Variants in SOX5 observed in about 807,000 individuals in gnomAD.
SOX5 encodes SRY-box transcription factor 5.
A neutral mutation model predicts 92.0 loss-of-function variants in SOX5; 9 were observed. The observed-to-expected ratio is 0.10, with a 90% CI of 0.06 to 0.17. SOX5 has a LOEUF of 0.17. SOX5 is among the 10% of genes least tolerant of loss of function. The probability of loss-of-function intolerance (pLI) is 1.00; values close to 1 mark genes in which losing one functional copy is unlikely to be tolerated. For missense variants in SOX5, 642 were observed against 944.5 expected, an observed-to-expected ratio of 0.68 and a Z score of 4.20; for synonymous variants, 344 against 336.3, an observed-to-expected ratio of 1.02 and a Z score of -0.25.
At position 24,055,857 on chromosome 12, in the gene SOX5, AATGTC is replaced by A. The variant is rs1958042380; in HGVS notation, c.-2+157481_-2+157485del. Reference sequence around the variant, plus strand: ...AGTGAAAGGTAAAACCATCTTAGTAAATGTCATGTTCCTGTTAGTGTTCAAAGGTG... The same window carrying A: ...AGTGAAAGGTAAAACCATCTTAGTAAATGTTCCTGTTAGTGTTCAAAGGTG... On this transcript the variant is annotated intron_variant, in intron 4 of 4. Transcript: ENST00000446891. Among the ~76,000 whole-genome samples, 3 of 152,316 alleles carry A rather than the reference AATGTC, an allele frequency of 2.0e-5. No individual in the cohort carries two copies. The South Asian group carries it at 6.2e-4, about 32-fold the overall frequency.
At chr12:24,069,378 T>C (rs773842250) in intron 4 of SOX5, among the ~76,000 whole-genome samples, 1 of 152,174 alleles carries the variant, frequency 6.6e-6, no homozygotes, top group Non-Finnish European at 1.5e-5. Context: ...GTAAAAGAAA[T>C]AGCTTTTCTT....
intron 4 of SOX5, among the ~76,000 whole-genome samples, chr12:24,159,001 A>G (rs1308750498): frequency 6.6e-6 from 1 of 152,000 alleles, no homozygotes; most frequent in Non-Finnish European, 1.5e-5. Context: ...ATAGTAGCCT[A>G]TAAGGATCAA....
Position 23,813,652 on chromosome 12 carries a change from A to G in SOX5, c.481+32331T>C, listed in dbSNP as rs1408697744. Reference sequence around the variant, plus strand: ...TTATTTTCTTTTAGATAAAAATGACATATTTTAAAACTGTCATTCCTCATC... The same window carrying G: ...TTATTTTCTTTTAGATAAAAATGACGTATTTTAAAACTGTCATTCCTCATC... On this transcript the variant is annotated intron_variant, in intron 3 of 14. Transcript: ENST00000451604. 4.6e-5 allele frequency among the ~76,000 whole-genome samples: 7 copies of G among 152,310 alleles called. No individual in the cohort carries two copies. The East Asian group carries it at 5.8e-4, about 13-fold the overall frequency.
chr12:23,627,265 C>A (rs188726814), intron 8 of SOX5, among the ~76,000 whole-genome samples: 1 of 152,208 alleles, frequency 6.6e-6, no homozygotes, highest in Non-Finnish European at 1.5e-5. Flanking sequence ...AGAATTGAAA[C>A]ATACATTTTT....
intron 1 of SOX5, among the ~76,000 whole-genome samples, chr12:23,915,606 T>C (rs1367479849): frequency 4.6e-5 from 7 of 152,060 alleles, no homozygotes; most frequent in Non-Finnish European, 8.8e-5. Flanking sequence ...ACTATACTAA[T>C]AGTCTTCCTA....
intron 9 of SOX5, among the ~76,000 whole-genome samples, chr12:23,577,169 A>C (rs1394022654): frequency 2.2e-5 from 2 of 90,002 alleles, no homozygotes; most frequent in Non-Finnish European, 4.8e-5. Context: ...ACACACACAC[A>C]CACACACATA....
At chr12:23,570,946 T>A (rs1426575520) in intron 10 of SOX5, among the ~76,000 whole-genome samples, 894 of 7,490 alleles carry the variant, frequency 0.12, 52 homozygotes, top group Non-Finnish European at 0.2. Flanking sequence ...TATATATATA[T>A]ATATATATAT....
At chr12:24,293,845 A>C (rs1439191083) in intron 2 of SOX5, among the ~76,000 whole-genome samples, 1 of 152,214 alleles carries the variant, frequency 6.6e-6, no homozygotes, top group East Asian at 1.9e-4. Flanking sequence ...TAAGTTCTTT[A>C]GCCTTTCTCC....
intron 4 of SOX5, among the ~76,000 whole-genome samples, chr12:24,186,043 G>T (rs903003406): frequency 6.6e-6 from 1 of 152,132 alleles, no homozygotes; most frequent in Non-Finnish European, 1.5e-5. Context: ...CTGGGGCATA[G>T]AGTAGGGAGC....
chr12:24,508,685 A>T (rs764370873), intron 1 of SOX5, among the ~76,000 whole-genome samples: 7 of 152,156 alleles, frequency 4.6e-5, no homozygotes, highest in Non-Finnish European at 1.0e-4. Context: ...GTCTATCATT[A>T]TCTGGCACCT....
chr12:23,564,051 T>C (rs1298657772), intron 10 of SOX5, among the ~76,000 whole-genome samples: 1 of 152,166 alleles, frequency 6.6e-6, no homozygotes, highest in African/African-American at 2.4e-5. Flanking sequence ...CTGTAATTGT[T>C]TGATAAGAAA....
chr12:23,696,123 A>G (rs1441990362), intron 6 of SOX5, among the ~76,000 whole-genome samples: 1 of 151,982 alleles, frequency 6.6e-6, no homozygotes, highest in African/African-American at 2.4e-5. Context: ...TATTTCCTTG[A>G]CATACCTTCA....
intron 4 of SOX5, among the ~76,000 whole-genome samples, chr12:24,144,026 CA>C (rs1269066510): frequency 6.6e-6 from 1 of 151,560 alleles, no homozygotes; most frequent in Non-Finnish European, 1.5e-5. Context: ...TATAGCAAGT[CA>C]CCTCAAAATC....
intron 1 of SOX5, among the ~76,000 whole-genome samples, chr12:24,407,053 C>T (rs1407677086): frequency 1.3e-5 from 2 of 151,940 alleles, no homozygotes; most frequent in African/African-American, 4.8e-5. Flanking sequence ...CATAGCATAA[C>T]ACAGGAGCTG....
chr12:24,016,999 T>A (rs944395512), intron 4 of SOX5, among the ~76,000 whole-genome samples: 2 of 152,204 alleles, frequency 1.3e-5, no homozygotes, highest in African/African-American at 2.4e-5. Flanking sequence ...CAATGTAATA[T>A]AGTCGGTGGA....
At chr12:23,976,406 C>CAAAAAAAAAAAAAAAAAAAA (rs869250917) in intron 4 of SOX5, among the ~76,000 whole-genome samples, 7 of 37,814 alleles carry the variant, frequency 1.9e-4, no homozygotes, top group African/African-American at 3.5e-4. Flanking sequence ...AACAAAAAAA[C>CAAAAAAAAAAAAAAAAAAAA]AAAAAAAAAA....
At chr12:24,220,681 C>A (rs1314817015) in intron 3 of SOX5, among the ~76,000 whole-genome samples, 1 of 152,134 alleles carries the variant, frequency 6.6e-6, no homozygotes, top group Admixed American at 6.5e-5. Context: ...GCACCCCATC[C>A]AATTGGAAGT....
chr12:23,957,088 T>C lies in SOX5; in HGVS notation c.-1-61064A>G, dbSNP rs576412586. On this transcript the variant is annotated intron_variant, in intron 4 of 4. Coordinates refer to the SOX5 transcript ENST00000446891. ...TTTATCATTTCAAAAATAAAATTTCTTGCCTTCCTAAGTCCTTCTTTACAG... is the reference window on the plus strand; with the variant it reads ...TTTATCATTTCAAAAATAAAATTTCCTGCCTTCCTAAGTCCTTCTTTACAG... Among the ~76,000 whole-genome samples, 3 of 152,354 alleles carry C rather than the reference T, an allele frequency of 2.0e-5. No homozygotes were observed. In the South Asian group the frequency reaches 6.2e-4, roughly 32 times the overall value.
At chr12:23,767,070 G>T (rs1183458054) in intron 3 of SOX5, among the ~76,000 whole-genome samples, 1 of 152,000 alleles carries the variant, frequency 6.6e-6, no homozygotes, top group Non-Finnish European at 1.5e-5. Flanking sequence ...AGCCGGGCAT[G>T]GTTGTGAGTG....
Sources: gnomAD v4.1 joint callset for allele counts (sites outside exome capture counted in the v4.1 genomes callset) on GRCh38, gnomAD v4.1.1 for gene constraint, MANE v1.5 for transcripts, NCBI Gene and HGNC (gene_info 2026-07-23, HGNC 2026-07-21) for gene names.